Variants in MYT1 observed in about 807,000 individuals in gnomAD.
MYT1 encodes the protein myelin transcription factor 1.
In MYT1, 23 loss-of-function variants were observed where a neutral mutation model predicts 123.0. The observed-to-expected ratio is 0.19, with a 90% CI of 0.13 to 0.26. The LOEUF (loss-of-function observed/expected upper bound fraction) is 0.26, where lower values mean the gene tolerates loss of function less well. Ranked by LOEUF, MYT1 falls within the 10% of genes least tolerant of loss-of-function variation. The pLI, the probability that MYT1 is intolerant of heterozygous loss-of-function variation, is 1.00. For missense variants in MYT1, 1,125 were observed against 1,472.5 expected (o/e 0.76, Z 3.86); for synonymous variants, 518 against 575.3 (o/e 0.90, Z 1.43).
At chr20:64,198,961 C>T (rs757773977) in intron 3 of MYT1, 45 bp downstream of exon 3, 1 of 1,602,796 alleles carries the variant, frequency 6.2e-7, no homozygotes, top group South Asian at 1.1e-5. Flanking sequence ...ATGCCACTTT[C>T]CTCCGCGGTC....
At chr20:64,209,214 C>G (rs1259226889) in intron 7 of MYT1, among the ~76,000 whole-genome samples, 1 of 152,108 alleles carries the variant, frequency 6.6e-6, no homozygotes, top group African/African-American at 2.4e-5. Context: ...CGGTTACGGC[C>G]TTCATTGTTA....
intron 13 of MYT1, 102 bp downstream of exon 13, chr20:64,220,084 G>C: frequency 1.4e-6 from 2 of 1,393,326 alleles, no homozygotes; most frequent in Non-Finnish European, 1.9e-6. Context: ...CTCCTCACAG[G>C]CTTCTGGAAG....
chr20:64,202,038 G>A lies in MYT1; in HGVS notation c.86+2116G>A, dbSNP rs189489857. On this transcript the variant is annotated intron_variant, in intron 4 of 22. Transcript: ENST00000328439. This position sits in a 1 kb window ranked among gnomAD's most constrained non-coding sequence, Gnocchi z 5.0. ...CCCCTCGCGTGTCGGGAACCCCCGC[G>A]TGTCGGGAACCTCTGCGTGTCGGGA... is the stretch of plus-strand genomic sequence containing the variant. Among the ~76,000 whole-genome samples the A allele has an allele frequency of 6.6e-6, 1 of 150,802 alleles. No homozygotes were observed.
At chr20:64,183,713 T>C (rs1214385126) in intron 1 of MYT1, among the ~76,000 whole-genome samples, 1 of 152,234 alleles carries the variant, frequency 6.6e-6, no homozygotes, top group Admixed American at 6.5e-5. Flanking sequence ...TGTCTTATTA[T>C]GAGTTATGAG....
intron 19 of MYT1, among the ~76,000 whole-genome samples, chr20:64,235,326 G>C (rs1233195497): frequency 8.1e-6 from 1 of 123,784 alleles, no homozygotes; most frequent in African/African-American, 3.5e-5. Flanking sequence ...GGGTGACCCT[G>C]GGCTGGCCGT....
rs571668579 is a variant in MYT1 at position 64,232,485 on chromosome 20, C to G, written c.2897+100C>G. On this transcript the variant is annotated intron_variant, in intron 19 of 22. Transcript: ENST00000328439. This position sits in a 1 kb window ranked among gnomAD's most constrained non-coding sequence, Gnocchi z 6.9. ...CTGAGGGAGGGCCAGACCAGGGCTC[C>G]GTGTGACCAGAGTTGCTCAAGGGAA... The G allele has an allele frequency of 1.6e-6, 2 of 1,222,530 alleles. No homozygotes were observed. The highest frequency in any genetic ancestry group is 2.3e-6 in the Non-Finnish European group (2 of 853,928). The allele number at this position is 1,222,530 out of a possible 1,614,324, so 75.7% of individuals were successfully genotyped here. A position where few individuals can be genotyped will look rare whatever the true frequency, so the allele number is the denominator to read the frequency against.
In MYT1 at chr20:64,168,374, G is replaced by A. The variant is rs79524898; in HGVS notation, c.-99+3635G>A. ...GTTAATGCCATTAGGAGCGTTCCTTGTGGGAAGATTGGTTTCACCCATCAC... is the reference window on the plus strand; with the variant it reads ...GTTAATGCCATTAGGAGCGTTCCTTATGGGAAGATTGGTTTCACCCATCAC... On this transcript the variant is annotated intron_variant, in intron 1 of 22. Transcript: ENST00000328439. This position sits in a 1 kb window ranked among gnomAD's most constrained non-coding sequence, Gnocchi z 6.1. Among the ~76,000 whole-genome samples, 5,377 of 152,288 alleles carry A rather than the reference G, an allele frequency of 0.035. 191 individuals are homozygous for A. The highest frequency in any genetic ancestry group is 0.18 in the South Asian group (855 of 4,826).
At chr20:64,225,410 G>A (rs551500678) in intron 16 of MYT1, among the ~76,000 whole-genome samples, 12 of 152,304 alleles carry the variant, frequency 7.9e-5, no homozygotes, top group South Asian at 4.1e-4. Flanking sequence ...TCCCAAGGGC[G>A]TTCACTCTTC....
chr20:64,240,499 C>T lies in MYT1; in HGVS notation c.*51C>T, dbSNP rs372148451. 1.4e-4 allele frequency: 214 copies of T among 1,579,468 alleles called. No homozygotes were observed. Among genetic ancestry groups the T allele is most frequent in the African/African-American group, 1.3e-3 (96 of 73,492 alleles). On this transcript the variant is annotated 3_prime_UTR_variant, in exon 23 of 23. Coordinates refer to ENST00000328439, the MANE Select transcript of MYT1 (RefSeq NM_004535.3). ...AGCCCACCACACCGTTTACCTCCCT[C>T]GCCCTGCCCCGCACCGTGGGGATGC... is the stretch of plus-strand genomic sequence containing the variant.
At position 64,218,121 on chromosome 20, in the gene MYT1, C is replaced by T. The variant is rs1983894979; in HGVS notation, c.1847-790C>T. On this transcript the variant is annotated intron_variant, in intron 11 of 22. Coordinates refer to ENST00000328439, the MANE Select transcript of MYT1 (RefSeq NM_004535.3). The surrounding 1 kb of genome is among the most constrained non-coding windows in gnomAD (Gnocchi z 4.0). Reference sequence around the variant, plus strand: ...TGTGAGCCTCTCTTCCTAACTTTGACAGAACCTGCTCTTTAGGATGGAGGA... The same window carrying T: ...TGTGAGCCTCTCTTCCTAACTTTGATAGAACCTGCTCTTTAGGATGGAGGA... Among the ~76,000 whole-genome samples the T allele has an allele frequency of 2.0e-5, 3 of 152,342 alleles. No homozygotes were observed. In the South Asian group the frequency reaches 6.2e-4, roughly 32 times the overall value.
rs765299378 is a variant in MYT1, at chr20:64,237,354, G to A, written c.3057G>A (p.Ser1019=). 7.5e-6 allele frequency: 12 copies of A among 1,609,098 alleles called. No homozygotes were observed. The highest frequency in any genetic ancestry group is 4.0e-5 in the African/African-American group (3 of 74,926). The change falls in exon 21 of 23, where the codon TCG becomes TCA. Residue 1019 remains serine (S), a synonymous_variant. Coordinates refer to ENST00000328439, the MANE Select transcript of MYT1 (RefSeq NM_004535.3). ...TCCGAGACCTGAACGAGTCCAACTC[G>A]GAGATGGAGGCTGCCATGGTGCAGC... ...QEIRDLNESN[S]EMEAAMVQLQ...
intron 19 of MYT1, 97 bp from the exon 20 acceptor site, chr20:64,236,458 G>A (rs534515441): frequency 1.7e-4 from 150 of 899,346 alleles, no homozygotes; most frequent in African/African-American, 1.5e-3. Flanking sequence ...GGGGCTGGCC[G>A]TGGTATGTGA....
In MYT1 at chr20:64,218,521, G is replaced by A. The variant is rs1314615291; in HGVS notation, c.1847-390G>A. 6.6e-6 allele frequency among the ~76,000 whole-genome samples: 1 copy of A among 152,182 alleles called. No homozygotes were observed. ...CTATTCACAGAATGCTTCAGTTTCT[G>A]ATAGACAAGTTATTTTTGTTTGAAA... is the stretch of plus-strand genomic sequence containing the variant. On this transcript the variant is annotated intron_variant, in intron 11 of 22. Transcript: ENST00000328439. This position sits in a 1 kb window ranked among gnomAD's most constrained non-coding sequence, Gnocchi z 4.0.
intron 8 of MYT1, among the ~76,000 whole-genome samples, chr20:64,211,785 G>A (rs943187512): frequency 6.6e-6 from 1 of 152,230 alleles, no homozygotes; most frequent in African/African-American, 2.4e-5. Flanking sequence ...TTAAAGCTGA[G>A]TCTGGTTTCT....
In MYT1 at chr20:64,213,827, G is replaced by A. The variant is rs1413813602; in HGVS notation, c.1631+180G>A. Among the ~76,000 whole-genome samples the A allele has an allele frequency of 6.6e-6, 1 of 152,184 alleles. No homozygotes were observed. Among genetic ancestry groups the A allele is most frequent in the Non-Finnish European group, 1.5e-5 (1 of 68,032 alleles). ...CCGGGCCCCCCAGGAGCAGAACTGCGGGGCAGTTTTGGAGCCACACAGGAC... is the reference window on the plus strand; with the variant it reads ...CCGGGCCCCCCAGGAGCAGAACTGCAGGGCAGTTTTGGAGCCACACAGGAC... On this transcript the variant is annotated intron_variant, in intron 10 of 22. Transcript: ENST00000328439. The surrounding 1 kb of genome is among the most constrained non-coding windows in gnomAD (Gnocchi z 5.6).
chr20:64,197,051 A>C (rs1466179266), intron 2 of MYT1, among the ~76,000 whole-genome samples: 14 of 152,184 alleles, frequency 9.2e-5, no homozygotes, highest in Non-Finnish European at 1.5e-5. Context: ...CTGCTCCTCT[A>C]TTCACTTTAA....
rs192562557 is a variant in MYT1 at position 64,208,481 on chromosome 20, A to G, written c.1285A>G (p.Ser429Gly). The G allele has an allele frequency of 5.4e-5, 87 of 1,596,846 alleles. No individual in the cohort carries two copies. In the East Asian group the frequency reaches 1.8e-3, roughly 33 times the overall value. The change falls in exon 7 of 23, where the codon AGT becomes GGT. Residue 429 changes from serine to glycine, a missense_variant. Physicochemically the swap from Ser to Gly is moderately conservative, Grantham distance 56. Transcript: ENST00000328439. The surrounding 1 kb of genome is among the most constrained non-coding windows in gnomAD (Gnocchi z 5.4). ...GGACACTGTGCGGAAGAGTTACTAC[A>G]GTAAAGGTAGGGCTCAGGGGTGGCC... The part of the protein sequence containing the change: ...PLDTVRKSYY[S>G]KDPSRAEKRE...
chr20:64,207,979 CGAGGAG>C lies in MYT1; in HGVS notation c.798_803del (p.Glu272_Glu273del), dbSNP rs765836332. 66 of 1,569,236 alleles carry C rather than the reference CGAGGAG, an allele frequency of 4.2e-5. No homozygotes were observed. The highest frequency in any genetic ancestry group is 1.2e-4 in the African/African-American group (8 of 67,520). On this transcript the variant is annotated inframe_deletion, in exon 7 of 23. Coordinates refer to ENST00000328439, the MANE Select transcript of MYT1 (RefSeq NM_004535.3). ...GCATCCTGAGTCACGAAGAGGAGGA[CGAGGAG>C]GAGGAGGAGGAGGAAGAGGAGGAGG...
Position 64,213,790 on chromosome 20 carries a change from T to A in MYT1, c.1631+143T>A. On this transcript the variant is annotated intron_variant, in intron 10 of 22. Transcript: ENST00000328439. This position sits in a 1 kb window ranked among gnomAD's most constrained non-coding sequence, Gnocchi z 5.6. ...GCATGTGAGTGTACGTGCATGTGAGTGTGCACATGCCCCGGGCCCCCCAGG... is the reference window on the plus strand; with the variant it reads ...GCATGTGAGTGTACGTGCATGTGAGAGTGCACATGCCCCGGGCCCCCCAGG... 1 of 713,208 alleles carries A rather than the reference T, an allele frequency of 1.4e-6. No homozygotes were observed. The highest frequency in any genetic ancestry group is 2.4e-6 in the Non-Finnish European group (1 of 424,624). 44.2% of individuals were successfully genotyped at this position (713,208 alleles called of 1,614,324 possible).
Sources: allele counts gnomAD v4.1 joint callset (sites outside exome capture counted in the v4.1 genomes callset), GRCh38; gene constraint gnomAD v4.1.1; non-coding constraint Gnocchi (gnomAD v3.1); transcripts MANE v1.5; gene names NCBI Gene and HGNC (gene_info 2026-07-23, HGNC 2026-07-21).